The following DSCAML1 variants were observed in gnomAD, a reference collection of about 807,000 sequenced individuals.
DSCAML1 encodes cell adhesion molecule DSCAML1.
DSCAML1 carries 38 observed loss-of-function variants against 200.5 expected under a neutral mutation model. The observed-to-expected ratio is 0.19, with a 90% CI of 0.15 to 0.25. The LOEUF (loss-of-function observed/expected upper bound fraction) is 0.25, where lower values mean the gene tolerates loss of function less well. DSCAML1 is among the 10% of genes least tolerant of loss of function. The pLI is 1.00. For synonymous variants in DSCAML1, 1,215 were observed against 1,165.0 expected (o/e 1.04, Z -0.87); for missense variants, 2,223 against 2,858.8 (o/e 0.78, Z 5.07).
intron 1 of DSCAML1, among the ~76,000 whole-genome samples, chr11:117,805,631 T>A (rs2055701950): frequency 1.3e-5 from 2 of 151,654 alleles, no homozygotes; most frequent in Non-Finnish European, 2.9e-5. Flanking sequence ...GGGGGATCCA[T>A]TTCCCACTTC....
chr11:117,548,029 A>G (rs773163652), intron 3 of DSCAML1, among the ~76,000 whole-genome samples: 1 of 152,174 alleles, frequency 6.6e-6, no homozygotes, highest in African/African-American at 2.4e-5. Flanking sequence ...GCTTCACTGC[A>G]TACTCGTCTC....
intron 4 of DSCAML1, among the ~76,000 whole-genome samples, chr11:117,529,451 C>T (rs1305922546): frequency 1.3e-5 from 2 of 152,108 alleles, no homozygotes; most frequent in Non-Finnish European, 2.9e-5. Flanking sequence ...TCCCATTTTC[C>T]GGATGAGGCA....
intron 1 of DSCAML1, among the ~76,000 whole-genome samples, chr11:117,796,675 G>A (rs957089063): frequency 2.6e-5 from 4 of 152,224 alleles, no homozygotes; most frequent in African/African-American, 4.8e-5. Flanking sequence ...CCTCGACTCG[G>A]AGGGCACTCC....
intron 3 of DSCAML1, among the ~76,000 whole-genome samples, chr11:117,746,154 G>A (rs183784364): frequency 5.0e-4 from 70 of 138,880 alleles, no homozygotes; most frequent in African/African-American, 1.7e-3. Flanking sequence ...CCCGGGAGGC[G>A]GAGCTTACAG....
intron 3 of DSCAML1, among the ~76,000 whole-genome samples, chr11:117,744,291 C>T (rs535895364): frequency 1.3e-5 from 2 of 152,312 alleles, no homozygotes; most frequent in South Asian, 4.1e-4. Context: ...GGCCTGCGTC[C>T]AGCTCTTGAC....
chr11:117,727,002 C>CT (rs139812602), intron 3 of DSCAML1, among the ~76,000 whole-genome samples: 1,823 of 152,264 alleles, frequency 0.012, 27 homozygotes, highest in African/African-American at 0.041. Flanking sequence ...ACAGCTGACA[C>CT]TCTTAAGTGT....
At chr11:117,682,052 A>G (rs558956685) in intron 3 of DSCAML1, among the ~76,000 whole-genome samples, 1 of 152,308 alleles carries the variant, frequency 6.6e-6, no homozygotes, top group Non-Finnish European at 1.5e-5. Context: ...CGATGACAGT[A>G]AGACCCTACC....
At chr11:117,755,884 G>A (rs1321773527) in intron 3 of DSCAML1, among the ~76,000 whole-genome samples, 2 of 152,018 alleles carry the variant, frequency 1.3e-5, no homozygotes, top group African/African-American at 2.4e-5. Context: ...TACAGCCACC[G>A]GCTCCTCTGG....
rs568939253 is a variant in DSCAML1 at position 117,667,622 on chromosome 11, A to G, written c.511+109169T>C. On this transcript the variant is annotated intron_variant, in intron 3 of 32. Coordinates refer to ENST00000651296, the MANE Select transcript of DSCAML1 (RefSeq NM_020693.4). ...CAACTCTTCCTTCCTCTTTGCATCCAGGACTCAGTTTCCCACTAGCCCCTC... is the reference window on the plus strand; with the variant it reads ...CAACTCTTCCTTCCTCTTTGCATCCGGGACTCAGTTTCCCACTAGCCCCTC... Among the ~76,000 whole-genome samples, 3 of 152,228 alleles carry G rather than the reference A, an allele frequency of 2.0e-5. No homozygotes were observed. The East Asian group carries it at 5.8e-4, about 29-fold the overall frequency.
intron 14 of DSCAML1, among the ~76,000 whole-genome samples, chr11:117,473,945 G>C (rs1019980193): frequency 1.3e-5 from 2 of 152,104 alleles, no homozygotes; most frequent in Non-Finnish European, 2.9e-5. Flanking sequence ...GGCATCCTGG[G>C]AGCTGGCGCC....
chr11:117,605,324 C>T (rs2051543733), intron 3 of DSCAML1, among the ~76,000 whole-genome samples: 1 of 152,132 alleles, frequency 6.6e-6, no homozygotes, highest in South Asian at 2.1e-4. Context: ...TTGACCATGC[C>T]CGCACCTCCT....
Position 117,638,373 on chromosome 11 carries a change from C to T in DSCAML1, c.512-105851G>A, listed in dbSNP as rs547077515. Among the ~76,000 whole-genome samples the T allele has an allele frequency of 1.7e-4, 24 of 144,544 alleles. 1 individual carries two copies. The highest frequency in any genetic ancestry group is 5.9e-4 in the African/African-American group (23 of 39,310). 94.8% of individuals were successfully genotyped at this position (144,544 alleles called of 152,430 possible). Reference sequence around the variant, plus strand: ...GTGTGTGTGTGTGTGTGTTTGCAACCGCTCTGTTGAGATATCATTCACAGA... The same window carrying T: ...GTGTGTGTGTGTGTGTGTTTGCAACTGCTCTGTTGAGATATCATTCACAGA... On this transcript the variant is annotated intron_variant, in intron 3 of 32. Coordinates refer to ENST00000651296, the MANE Select transcript of DSCAML1 (RefSeq NM_020693.4).
intron 3 of DSCAML1, among the ~76,000 whole-genome samples, chr11:117,751,688 C>G (rs1479006023): frequency 6.6e-6 from 1 of 152,144 alleles, no homozygotes; most frequent in Non-Finnish European, 1.5e-5. Context: ...CCCACAGCCT[C>G]CTCAGTAACC....
At chr11:117,817,009 T>A (rs1386568341) in intron 1 of DSCAML1, among the ~76,000 whole-genome samples, 3 of 152,206 alleles carry the variant, frequency 2.0e-5, no homozygotes, top group Non-Finnish European at 4.4e-5. Context: ...CCTGCCCCCA[T>A]GCCCACAGGG....
chr11:117,497,306 T>C (rs993120361), intron 11 of DSCAML1, among the ~76,000 whole-genome samples: 1 of 152,150 alleles, frequency 6.6e-6, no homozygotes, highest in Non-Finnish European at 1.5e-5. Flanking sequence ...GTCCCCTAAA[T>C]GAACCACTTG....
At position 117,430,983 on chromosome 11, in the gene DSCAML1, C is replaced by G. The variant is rs1394687991; in HGVS notation, c.5425G>C (p.Glu1809Gln). 2 of 1,614,058 alleles carry G rather than the reference C, an allele frequency of 1.2e-6. No individual in the cohort carries two copies. Among genetic ancestry groups the G allele is most frequent in the Non-Finnish European group, 8.5e-7 (1 of 1,180,010 alleles). ...VSTESASSTYEELARAYEHAK... is the reference protein window; with the variant it reads ...VSTESASSTYQELARAYEHAK... ...TGCTCATAGGCCCGGGCCAGCTCCT[C>G]GTAGGTGGAAGAGGCACTCTCAGTG... Residue 1809 changes from glutamate to glutamine, a missense_variant, in exon 32 of 33, where the codon GAG becomes CAG. Coordinates refer to ENST00000651296, the MANE Select transcript of DSCAML1 (RefSeq NM_020693.4).
chr11:117,665,676 C>T (rs1451346632), intron 3 of DSCAML1, among the ~76,000 whole-genome samples: 1 of 152,168 alleles, frequency 6.6e-6, no homozygotes, highest in East Asian at 1.9e-4. Flanking sequence ...AACTCGCCCA[C>T]CATCACACAG....
rs541824964 is a variant in DSCAML1, at chr11:117,804,373, G to A, written c.-250+13017C>T. On this transcript the variant is annotated intron_variant, in intron 1 of 2. Transcript: ENST00000525836. ...AAATGCTGCCAGGGAAAAGGGGCTT[G>A]CTCCCCACACAGAAGTTTATCTAAT... Among the ~76,000 whole-genome samples, 115 of 152,314 alleles carry A rather than the reference G, an allele frequency of 7.6e-4. 1 individual carries two copies. Among genetic ancestry groups the A allele is most frequent in the African/African-American group, 2.6e-3 (110 of 41,570 alleles).
chr11:117,453,667 GC>G (rs1298071230), intron 19 of DSCAML1, among the ~76,000 whole-genome samples: 1 of 151,398 alleles, frequency 6.6e-6, no homozygotes, highest in South Asian at 2.1e-4. Flanking sequence ...TCCTCTGGTT[GC>G]TTTTAAGATC....
Sources: gnomAD v4.1 joint callset for allele counts (sites outside exome capture counted in the v4.1 genomes callset) on GRCh38, gnomAD v4.1.1 for gene constraint, MANE v1.5 for transcripts, NCBI Gene and HGNC (gene_info 2026-07-23, HGNC 2026-07-21) for gene names.